The following PPP1R9A variants were observed in gnomAD, a reference collection of about 807,000 sequenced individuals.
The protein encoded by PPP1R9A is protein phosphatase 1 regulatory subunit 9A, also known as neurabin-1.
A neutral mutation model predicts 141.9 loss-of-function variants in PPP1R9A; 59 were observed. The ratio of observed to expected loss-of-function variants is 0.42; its 90% CI spans 0.34 to 0.52. The LOEUF is 0.52. Ranked by LOEUF, PPP1R9A falls within the 20% of genes least tolerant of loss-of-function variation. The pLI, the probability that PPP1R9A is intolerant of heterozygous loss-of-function variation, is 0.10. For missense variants in PPP1R9A, 1,444 were observed against 1,611.9 expected (o/e 0.90, Z 1.78); for synonymous variants, 500 against 569.7 (o/e 0.88, Z 1.74).
intron 2 of PPP1R9A, among the ~76,000 whole-genome samples, chr7:95,079,985 T>C (rs1815538811): frequency 6.6e-6 from 1 of 152,170 alleles, no homozygotes; most frequent in African/African-American, 2.4e-5. Flanking sequence ...AATATCATAC[T>C]GAATGGGCAA....
In PPP1R9A at chr7:94,910,267, C is replaced by T; in HGVS notation, c.154C>T (p.Gln52Ter). 6.2e-7 allele frequency: 1 copy of T among 1,614,036 alleles called. No individual in the cohort carries two copies. ...AAAAACAAAAGAAGGTGAGGGCTCC[C>T]AGCAGAGCAGGGGGAGGAAATATGG... ...EQKTKEGEGS[Q>*]QSRGRKYGSN... Residue 52 changes from glutamine to a stop codon, truncating the protein, a stop_gained, in exon 2 of 20, where the codon CAG (glutamine) becomes TAG (stop). Coordinates refer to ENST00000433360, the MANE Select transcript of PPP1R9A (RefSeq NM_001166160.2). LOFTEE classifies it high-confidence loss of function. The surrounding 1 kb of genome is among the most constrained non-coding windows in gnomAD (Gnocchi z 4.5).
intron 2 of PPP1R9A, among the ~76,000 whole-genome samples, chr7:94,933,457 T>C (rs1409892960): frequency 3.9e-5 from 6 of 152,126 alleles, no homozygotes; most frequent in African/African-American, 1.4e-4. Context: ...GTGGGAGGCA[T>C]TCTCCTCCCT....
intron 2 of PPP1R9A, among the ~76,000 whole-genome samples, chr7:95,031,601 T>C (rs1807693431): frequency 6.6e-6 from 1 of 151,732 alleles, no homozygotes; most frequent in African/African-American, 2.4e-5. Flanking sequence ...ACTAAAAATA[T>C]CAAAATTAAC....
chr7:95,152,866 G>A (rs1024222191), intron 4 of PPP1R9A, among the ~76,000 whole-genome samples: 1 of 135,230 alleles, frequency 7.4e-6, no homozygotes, highest in African/African-American at 2.9e-5. Flanking sequence ...TTTCTTTGAG[G>A]CAGAGACAGT....
chr7:95,179,364 G>A (rs138851082), intron 5 of PPP1R9A, among the ~76,000 whole-genome samples: 334 of 152,134 alleles, frequency 2.2e-3, no homozygotes, highest in African/African-American at 7.8e-3. Flanking sequence ...GGCATGCAAG[G>A]GACATACCTC....
At chr7:95,193,097 T>G (rs1012727984) in intron 5 of PPP1R9A, among the ~76,000 whole-genome samples, 2 of 152,102 alleles carry the variant, frequency 1.3e-5, no homozygotes, top group Non-Finnish European at 2.9e-5. Context: ...ATGAGGAAAA[T>G]GAGGCAGGGG....
intron 8 of PPP1R9A, among the ~76,000 whole-genome samples, chr7:95,247,159 A>G (rs368598456): frequency 3.0e-4 from 45 of 152,310 alleles, no homozygotes; most frequent in African/African-American, 9.6e-4. Context: ...TTAGCAAGGA[A>G]ACAGTTCCTT....
intron 4 of PPP1R9A, among the ~76,000 whole-genome samples, chr7:95,137,499 CT>C (rs1351050084): frequency 6.8e-6 from 1 of 147,142 alleles, no homozygotes; most frequent in Non-Finnish European, 1.5e-5. Context: ...GAGGATGTTG[CT>C]GGAAAAAAAT....
chr7:95,138,491 A>C (rs933488637), intron 4 of PPP1R9A, among the ~76,000 whole-genome samples: 1 of 152,236 alleles, frequency 6.6e-6, no homozygotes, highest in Non-Finnish European at 1.5e-5. Flanking sequence ...ACAGGACACA[A>C]AGTACGAACC....
intron 8 of PPP1R9A, among the ~76,000 whole-genome samples, chr7:95,229,850 C>A (rs1293660922): frequency 6.6e-6 from 1 of 150,918 alleles, no homozygotes; most frequent in Non-Finnish European, 1.5e-5. Context: ...TGGCTGGAAT[C>A]CAACCAATAC....
At chr7:94,991,076 T>G (rs931832383) in intron 2 of PPP1R9A, among the ~76,000 whole-genome samples, 2 of 152,142 alleles carry the variant, frequency 1.3e-5, no homozygotes, top group African/African-American at 4.8e-5. Flanking sequence ...CCAGCAATGG[T>G]AGTTCTATTT....
chr7:95,281,129 C>G (rs150953474), intron 16 of PPP1R9A, among the ~76,000 whole-genome samples: 291 of 152,214 alleles, frequency 1.9e-3, no homozygotes, highest in Middle Eastern at 6.8e-3. Flanking sequence ...ACTCACTGTT[C>G]AGTTCTTTAA....
At chr7:94,917,662 C>T (rs1161016210) in intron 2 of PPP1R9A, among the ~76,000 whole-genome samples, 1 of 151,742 alleles carries the variant, frequency 6.6e-6, no homozygotes, top group East Asian at 1.9e-4. Context: ...CCTGCCTTGG[C>T]CTCCCGAAGT....
chr7:94,946,801 A>G (rs1795942368), intron 2 of PPP1R9A, among the ~76,000 whole-genome samples: 1 of 152,150 alleles, frequency 6.6e-6, no homozygotes, highest in South Asian at 2.1e-4. Context: ...ACTGTATTTT[A>G]AATGCTTGCA....
intron 15 of PPP1R9A, 37 bp downstream of exon 15, chr7:95,274,023 A>G: frequency 1.3e-6 from 2 of 1,497,672 alleles, no homozygotes; most frequent in Non-Finnish European, 1.8e-6. Context: ...AGCCCTCTGT[A>G]AAAGGAGGAT....
At chr7:94,950,131 A>G (rs763252860) in intron 2 of PPP1R9A, among the ~76,000 whole-genome samples, 3 of 152,130 alleles carry the variant, frequency 2.0e-5, no homozygotes, top group Admixed American at 6.6e-5. Context: ...GCCTGTTTAC[A>G]TATCTTCAGT....
chr7:94,911,560 C>G, intron 2 of PPP1R9A, 52 bp downstream of exon 2: 1 of 1,392,568 alleles, frequency 7.2e-7, no homozygotes, highest in Non-Finnish European at 9.9e-7. Context: ...AGTACTAGGG[C>G]CTAATTGTAT....
chr7:95,044,284 T>C (rs1301657394), intron 2 of PPP1R9A, among the ~76,000 whole-genome samples: 1 of 152,216 alleles, frequency 6.6e-6, no homozygotes, highest in Non-Finnish European at 1.5e-5. Flanking sequence ...TCCCTCTACT[T>C]TCTCCTCCTC....
At chr7:94,924,178 A>G (rs1050730388) in intron 2 of PPP1R9A, among the ~76,000 whole-genome samples, 7 of 152,340 alleles carry the variant, frequency 4.6e-5, no homozygotes, top group African/African-American at 1.7e-4. Flanking sequence ...GGAGTTCAAG[A>G]AAAAAATAAT....
Sources: gnomAD v4.1 joint callset for allele counts (sites outside exome capture counted in the v4.1 genomes callset) on GRCh38, gnomAD v4.1.1 for gene constraint, Gnocchi (gnomAD v3.1) non-coding constraint, MANE v1.5 for transcripts, NCBI Gene and HGNC (gene_info 2026-07-23, HGNC 2026-07-21) for gene names.